Variants in NRG3 observed in about 807,000 individuals in gnomAD.
NRG3 encodes the protein pro-neuregulin-3, membrane-bound isoform.
Under a neutral mutation model 66.9 loss-of-function variants are expected in NRG3, and 31 were observed. The observed-to-expected ratio is 0.46, with a 90% CI of 0.35 to 0.63. The LOEUF is 0.63. Ranked by LOEUF, NRG3 falls within the 20% of genes least tolerant of loss-of-function variation. NRG3 has a pLI of 0.00. For synonymous variants in NRG3, 393 were observed against 359.4 expected (o/e 1.09, Z -1.06); for missense variants, 910 against 878.9 (o/e 1.04, Z -0.45).
intron 2 of NRG3, among the ~76,000 whole-genome samples, chr10:82,387,842 G>T (rs529432331): frequency 6.6e-6 from 1 of 152,242 alleles, no homozygotes; most frequent in South Asian, 2.1e-4. Context: ...TGTTTCTGTG[G>T]AGGAATGCTC....
intron 1 of NRG3, among the ~76,000 whole-genome samples, chr10:82,238,522 G>T (rs550659399): frequency 1.4e-4 from 22 of 152,192 alleles, no homozygotes; most frequent in Non-Finnish European, 2.2e-4. Flanking sequence ...TCAAAGTTCA[G>T]GTTCTTTTCA....
chr10:82,485,325 T>C (rs1379043361), intron 2 of NRG3, among the ~76,000 whole-genome samples: 1 of 151,944 alleles, frequency 6.6e-6, no homozygotes, highest in East Asian at 1.9e-4. Context: ...TTATAATTTA[T>C]AAAACACACT....
intron 2 of NRG3, among the ~76,000 whole-genome samples, chr10:82,548,554 CACACACG>C (rs2044090067): frequency 6.6e-6 from 1 of 150,384 alleles, no homozygotes; most frequent in South Asian, 2.1e-4. Flanking sequence ...CACACACACA[CACACACG>C]CACACGCACA....
chr10:82,435,765 G>GTTTCCTTTCT (rs1564918593), intron 2 of NRG3, among the ~76,000 whole-genome samples: 1 of 138,974 alleles, frequency 7.2e-6, no homozygotes, highest in African/African-American at 2.7e-5. Context: ...TTTTGAGTGA[G>GTTTCCTTTCT]TTTCTTTTCT....
At chr10:82,506,915 A>G (rs547638339) in intron 2 of NRG3, among the ~76,000 whole-genome samples, 1 of 152,296 alleles carries the variant, frequency 6.6e-6, no homozygotes, top group East Asian at 1.9e-4. Context: ...GTTTTCACAC[A>G]GCATCTCAGG....
chr10:82,627,264 T>C (rs2049497390), intron 2 of NRG3, among the ~76,000 whole-genome samples: 2 of 152,094 alleles, frequency 1.3e-5, no homozygotes, highest in East Asian at 3.9e-4. Flanking sequence ...TCCATTTAAA[T>C]CACTTTAAGC....
intron 3 of NRG3, among the ~76,000 whole-genome samples, chr10:82,762,460 A>T (rs2059367773): frequency 6.6e-6 from 1 of 152,318 alleles, no homozygotes; most frequent in Middle Eastern, 3.4e-3. Context: ...ATACAATGCA[A>T]ACTCAATTCA....
chr10:82,116,393 T>G (rs1030476440), intron 1 of NRG3, among the ~76,000 whole-genome samples: 1 of 152,092 alleles, frequency 6.6e-6, no homozygotes, highest in Non-Finnish European at 1.5e-5. Context: ...ATTTAGCTCT[T>G]TTTTTAGACT....
intron 7 of NRG3, 92 bp downstream of exon 7, chr10:82,974,007 G>A: frequency 7.0e-7 from 1 of 1,431,920 alleles, no homozygotes; most frequent in African/African-American, 1.4e-5. Flanking sequence ...TGACTTAGGA[G>A]AGACAACTGT....
At chr10:82,701,415 G>C (rs904495255) in intron 2 of NRG3, among the ~76,000 whole-genome samples, 1 of 152,062 alleles carries the variant, frequency 6.6e-6, no homozygotes, top group Non-Finnish European at 1.5e-5. Context: ...TTACATGGTT[G>C]TTCTTGAGTC....
At chr10:82,545,906 G>A (rs1328067575) in intron 2 of NRG3, among the ~76,000 whole-genome samples, 1 of 147,060 alleles carries the variant, frequency 6.8e-6, no homozygotes, top group African/African-American at 2.5e-5. Flanking sequence ...TCCTGCCTCA[G>A]CCTCCAGAGT....
At chr10:82,811,816 G>A (rs1028904849) in intron 3 of NRG3, among the ~76,000 whole-genome samples, 1 of 152,162 alleles carries the variant, frequency 6.6e-6, no homozygotes, top group African/African-American at 2.4e-5. Flanking sequence ...AGTCCTCCAG[G>A]GGGCAGGCTT....
intron 1 of NRG3, among the ~76,000 whole-genome samples, chr10:82,108,529 C>G (rs2067200909): frequency 6.6e-6 from 1 of 152,096 alleles, no homozygotes; most frequent in African/African-American, 2.4e-5. Context: ...TGAAGCTTTG[C>G]TAATTAAATT....
intron 7 of NRG3, among the ~76,000 whole-genome samples, chr10:82,976,686 T>A (rs1226570468): frequency 2.0e-5 from 3 of 152,196 alleles, no homozygotes; most frequent in African/African-American, 7.2e-5. Context: ...CAGGCTCTTA[T>A]GTCCTCTGGT....
At chr10:81,899,070 A>G (rs1477648884) in intron 1 of NRG3, among the ~76,000 whole-genome samples, 1 of 152,240 alleles carries the variant, frequency 6.6e-6, no homozygotes, top group Non-Finnish European at 1.5e-5. Flanking sequence ...AAGAACACAT[A>G]TTGAAATAGT....
intron 4 of NRG3, among the ~76,000 whole-genome samples, chr10:82,891,975 TTATAAA>T (rs1418412478): frequency 6.6e-6 from 1 of 152,042 alleles, no homozygotes; most frequent in Non-Finnish European, 1.5e-5. Context: ...ATTTTAAAAA[TTATAAA>T]TATATATTGT....
At chr10:82,270,469 C>T (rs149881481) in intron 1 of NRG3, among the ~76,000 whole-genome samples, 2 of 152,238 alleles carry the variant, frequency 1.3e-5, no homozygotes, top group African/African-American at 4.8e-5. Context: ...CATTTCCTCT[C>T]ATAGCATTCA....
At chr10:81,915,844 G>A (rs2132810361) in intron 1 of NRG3, among the ~76,000 whole-genome samples, 1 of 152,186 alleles carries the variant, frequency 6.6e-6, no homozygotes, top group East Asian at 1.9e-4. Flanking sequence ...GGACATCAGG[G>A]AAGCTTTGAG....
chr10:81,923,480 C>T (rs1196590667), intron 1 of NRG3, among the ~76,000 whole-genome samples: 1 of 152,210 alleles, frequency 6.6e-6, no homozygotes. Context: ...GCTGGGATTA[C>T]AGGCGTGAGC....
Sources: allele counts gnomAD v4.1 joint callset (sites outside exome capture counted in the v4.1 genomes callset), GRCh38; gene constraint gnomAD v4.1.1; transcripts MANE v1.5; gene names NCBI Gene and HGNC (gene_info 2026-07-23, HGNC 2026-07-21).